The following RAB40C variants were observed in gnomAD, a reference collection of about 807,000 sequenced individuals.
RAB40C encodes the protein RAB40C, member RAS oncogene family.
A neutral mutation model predicts 28.1 loss-of-function variants in RAB40C; 8 were observed. That is an observed-to-expected ratio of 0.28 (90% confidence interval 0.17 to 0.51). The LOEUF (loss-of-function observed/expected upper bound fraction) is 0.51. Among genes scored for constraint, RAB40C ranks in the 20% least tolerant of loss-of-function variants. The pLI is 0.97. For missense variants in RAB40C, 288 were observed against 405.9 expected (o/e 0.71, Z 2.50); for synonymous variants, 201 against 171.7 (o/e 1.17, Z -1.34).
At chr16:600,278 T>A (rs751461284) in intron 1 of RAB40C, among the ~76,000 whole-genome samples, 20 of 152,248 alleles carry the variant, frequency 1.3e-4, no homozygotes, top group Non-Finnish European at 2.2e-4. Context: ...AGAGCCTGTG[T>A]CCTCCTGGTG....
chr16:625,610 G>T (rs1028407179), intron 4 of RAB40C, 101 bp downstream of exon 4: 11 of 1,255,802 alleles, frequency 8.8e-6, no homozygotes, highest in Admixed American at 7.6e-5. Context: ...CCCTCCTGTG[G>T]CCCCGGCTCT....
At chr16:600,080 C>G (rs963190778) in intron 1 of RAB40C, among the ~76,000 whole-genome samples, 1 of 152,224 alleles carries the variant, frequency 6.6e-6, no homozygotes, top group Non-Finnish European at 1.5e-5. Flanking sequence ...GTTTTGTTCC[C>G]TTGTGGCATC....
intron 3 of RAB40C, among the ~76,000 whole-genome samples, chr16:619,444 C>T (rs1396902398): frequency 2.0e-5 from 3 of 152,198 alleles, no homozygotes; most frequent in Non-Finnish European, 4.4e-5. Context: ...CCTCTGGGCC[C>T]CCAAGCACGC....
intron 1 of RAB40C, among the ~76,000 whole-genome samples, chr16:609,411 T>G (rs892596626): frequency 6.6e-5 from 10 of 152,026 alleles, no homozygotes; most frequent in African/African-American, 2.4e-4. Context: ...GGCCTCCTGA[T>G]ATGCAGATGG....
chr16:622,376 C>T (rs1046364560), intron 3 of RAB40C, among the ~76,000 whole-genome samples: 1 of 152,110 alleles, frequency 6.6e-6, no homozygotes, highest in Non-Finnish European at 1.5e-5. Flanking sequence ...CCCTTGACCC[C>T]GCCCGCGAGG....
intron 3 of RAB40C, 67 bp downstream of exon 3, chr16:618,327 AGTTGTT>A (rs1303604044): frequency 1.4e-6 from 2 of 1,465,774 alleles, no homozygotes; most frequent in East Asian, 2.3e-5. Context: ...TCTGAATGTG[AGTTGTT>A]GTCCTGTCAA....
chr16:590,979 C>G (rs2035983450), intron 1 of RAB40C, among the ~76,000 whole-genome samples: 1 of 147,200 alleles, frequency 6.8e-6, no homozygotes, highest in Non-Finnish European at 1.5e-5. Context: ...TGTCATGGTC[C>G]CGGTAGAAGG....
At chr16:597,257 A>C (rs1161669528) in intron 1 of RAB40C, among the ~76,000 whole-genome samples, 1 of 151,996 alleles carries the variant, frequency 6.6e-6, no homozygotes, top group South Asian at 2.1e-4. Flanking sequence ...AGTTGTGGAA[A>C]GGGTGAAGGG....
chr16:625,806 C>A, intron 4 of RAB40C, 93 bp from the exon 5 acceptor site: 2 of 1,264,672 alleles, frequency 1.6e-6, no homozygotes, highest in Non-Finnish European at 1.1e-6. Context: ...GCCCTCACCC[C>A]ATCATAGTCC....
At chr16:624,810 C>T in intron 3 of RAB40C, 5 of 985,448 alleles carry the variant, frequency 5.1e-6, no homozygotes, top group Non-Finnish European at 6.0e-6. Context: ...AGTGTGCTCC[C>T]CTGTGCTGCT....
At chr16:624,139 C>T (rs542264397) in intron 3 of RAB40C, 863 of 985,316 alleles carry the variant, frequency 8.8e-4, no homozygotes, top group Non-Finnish European at 1.0e-3. Context: ...TTGTTATCAG[C>T]GCCACTGTGA....
Position 627,734 on chromosome 16 carries a change from A to C in RAB40C, c.*112A>C. 7.6e-7 allele frequency: 1 copy of C among 1,317,038 alleles called. No homozygotes were observed. Among genetic ancestry groups the C allele is most frequent in the Non-Finnish European group, 1.0e-6 (1 of 988,876 alleles). The allele number at this position is 1,317,038 out of a possible 1,614,324, so 81.6% of individuals were successfully genotyped here. A position where few individuals can be genotyped will look rare whatever the true frequency, so the allele number is the denominator to read the frequency against. ...TGGAGACTGTCCACACAGCTGCCTCAGAAGCGCCGGGCTTTCCTCACACCT... is the reference window on the plus strand; with the variant it reads ...TGGAGACTGTCCACACAGCTGCCTCCGAAGCGCCGGGCTTTCCTCACACCT... On this transcript the variant is annotated 3_prime_UTR_variant, in exon 6 of 6. Coordinates refer to ENST00000248139, the MANE Select transcript of RAB40C (RefSeq NM_021168.5).
intron 1 of RAB40C, among the ~76,000 whole-genome samples, chr16:600,178 C>G (rs914691093): frequency 2.0e-5 from 3 of 152,202 alleles, no homozygotes; most frequent in South Asian, 2.1e-4. Context: ...GGGCTATGCC[C>G]TGAGTTCCCG....
Position 626,239 on chromosome 16 carries a change from G to A in RAB40C, c.565+118G>A, listed in dbSNP as rs74842306. On this transcript the variant is annotated intron_variant, in intron 5 of 5. Coordinates refer to ENST00000248139, the MANE Select transcript of RAB40C (RefSeq NM_021168.5). ...AGGTTCAGGCAGGTCCCTTGGCAAC[G>A]CGCAGTAGGGGCTCGGCCGGCGGCA... 3.4e-3 allele frequency: 3,479 copies of A among 1,035,854 alleles called. 73 individuals are homozygous for A. In the African/African-American group the frequency reaches 0.045, roughly 13 times the overall value. 64.2% of individuals were successfully genotyped at this position (1,035,854 alleles called of 1,614,324 possible).
intron 1 of RAB40C, among the ~76,000 whole-genome samples, chr16:609,733 T>C (rs1291133755): frequency 2.6e-5 from 4 of 152,062 alleles, no homozygotes; most frequent in Admixed American, 2.0e-4. Context: ...AAAAAAGCCA[T>C]AGAAGGGCTA....
chr16:618,067 C>T (rs1051888140), intron 2 of RAB40C, 133 bp from the exon 3 acceptor site: 2 of 780,898 alleles, frequency 2.6e-6, no homozygotes, highest in Non-Finnish European at 4.2e-6. Context: ...AGCCGCTTAG[C>T]ACAGCCTCAT....
intron 3 of RAB40C, among the ~76,000 whole-genome samples, chr16:621,007 T>C (rs149560152): frequency 6.6e-6 from 1 of 152,370 alleles, no homozygotes; most frequent in African/African-American, 2.4e-5. Context: ...TCTGTTATCA[T>C]CTCCGTGTTC....
intron 1 of RAB40C, among the ~76,000 whole-genome samples, chr16:613,938 C>T (rs1483297364): frequency 6.6e-6 from 1 of 152,206 alleles, no homozygotes; most frequent in Non-Finnish European, 1.5e-5. Flanking sequence ...CGCAGCTTCA[C>T]ACGCAGCTCG....
intron 1 of RAB40C, among the ~76,000 whole-genome samples, chr16:605,585 T>C (rs1486337715): frequency 1.3e-5 from 2 of 152,218 alleles, no homozygotes. Context: ...GGCTGCCTTC[T>C]TTCCATGTCT....
Sources: allele counts gnomAD v4.1 joint callset (sites outside exome capture counted in the v4.1 genomes callset), GRCh38; gene constraint gnomAD v4.1.1; transcripts MANE v1.5; gene names NCBI Gene and HGNC (gene_info 2026-07-23, HGNC 2026-07-21).